CIMIP2A: variants seen among roughly 807,000 people sequenced by gnomAD.
The protein encoded by CIMIP2A is family with sequence similarity 166 member A.
At chr9:137,244,059 T>A in the CIMIP2A span, 1 of 1,165,516 alleles carries the variant, frequency 8.6e-7, no homozygotes. Flanking sequence ...GGTGGGACCC[T>A]GGTAATGGTC....
At chr9:137,244,250 C>G in the CIMIP2A span, 589 of 1,613,864 alleles carry the variant, frequency 3.6e-4, 4 homozygotes, top group East Asian at 0.012. Flanking sequence ...TTCCAGGCAG[C>G]TTCTCGCCCA....
the CIMIP2A span, chr9:137,244,151 A>G: frequency 1.2e-6 from 2 of 1,611,912 alleles, no homozygotes; most frequent in Non-Finnish European, 1.7e-6. Context: ...TGTCCATGTG[A>G]CCCTGCCCAC....
At chr9:137,245,539 T>C in the CIMIP2A span, 1 of 1,613,730 alleles carries the variant, frequency 6.2e-7, no homozygotes, top group Non-Finnish European at 8.5e-7. Context: ...AATCTCAAAG[T>C]TCTTAGAGGG....
the CIMIP2A span, among the ~76,000 whole-genome samples, chr9:137,246,667 G>T: frequency 6.6e-6 from 1 of 152,162 alleles, no homozygotes; most frequent in Non-Finnish European, 1.5e-5. Context: ...GGAGGCTGAG[G>T]CAGGAGAATG....
chr9:137,243,963 C>T, the CIMIP2A span, among the ~76,000 whole-genome samples: 49 of 152,168 alleles, frequency 3.2e-4, no homozygotes, highest in South Asian at 4.1e-4. Context: ...CCTTGGGGCT[C>T]GGCCTGTGTC....
chr9:137,245,544 A>G, the CIMIP2A span: 2 of 1,613,662 alleles, frequency 1.2e-6, no homozygotes, highest in Non-Finnish European at 1.7e-6. Flanking sequence ...CAAAGTTCTT[A>G]GAGGGCTTCA....
chr9:137,247,676 G>GCTC, the CIMIP2A span: 21 of 1,613,328 alleles, frequency 1.3e-5, no homozygotes, highest in East Asian at 4.7e-4. Context: ...ACATAGTGAG[G>GCTC]CTCCGGCGTG....
chr9:137,253,144 G>A, the CIMIP2A span: 69 of 1,592,050 alleles, frequency 4.3e-5, no homozygotes, highest in Middle Eastern at 3.3e-4. Context: ...CGCCTACCAC[G>A]TGGAGGACTG....
At chr9:137,243,994 T>A in the CIMIP2A span, among the ~76,000 whole-genome samples, 1 of 151,482 alleles carries the variant, frequency 6.6e-6, no homozygotes, top group Non-Finnish European at 1.5e-5. Flanking sequence ...GTGGGTCCAG[T>A]GACCCCCCTT....
At chr9:137,251,255 G>T in the CIMIP2A span, 8 of 1,412,008 alleles carry the variant, frequency 5.7e-6, no homozygotes, top group Admixed American at 1.0e-4. Context: ...GAGCTCCGTG[G>T]TGCCGTTGGG....
chr9:137,253,752 G>A, the CIMIP2A span, among the ~76,000 whole-genome samples: 1,130 of 152,300 alleles, frequency 7.4e-3, 14 homozygotes, highest in African/African-American at 0.026. Flanking sequence ...GCTGCTTGCC[G>A]AGCCAGGGAA....
chr9:137,247,576 G>A, the CIMIP2A span: 876 of 1,301,260 alleles, frequency 6.7e-4, 5 homozygotes, highest in South Asian at 2.8e-3. Flanking sequence ...GCCCCTCACA[G>A]CTGGCCTCCA....
At chr9:137,246,885 G>A in the CIMIP2A span, among the ~76,000 whole-genome samples, 1 of 152,198 alleles carries the variant, frequency 6.6e-6, no homozygotes, top group Non-Finnish European at 1.5e-5. Context: ...TAGCGTGTGT[G>A]TATGTAGGTG....
At chr9:137,243,686 C>T in the CIMIP2A span, 1 of 1,614,128 alleles carries the variant, frequency 6.2e-7, no homozygotes, top group Non-Finnish European at 8.5e-7. Context: ...ACAGACACCA[C>T]CATTAAAGCA....
At chr9:137,249,104 C>T in the CIMIP2A span, among the ~76,000 whole-genome samples, 1 of 151,990 alleles carries the variant, frequency 6.6e-6, no homozygotes, top group African/African-American at 2.4e-5. Flanking sequence ...GATCCGCCCA[C>T]CTCGGCCTCC....
At chr9:137,252,318 T>C in the CIMIP2A span, 18 of 1,318,516 alleles carry the variant, frequency 1.4e-5, no homozygotes, top group Non-Finnish European at 1.9e-5. Context: ...GGGGCATGGG[T>C]GGACATTGTG....
chr9:137,251,459 A>G, the CIMIP2A span: 2 of 1,251,088 alleles, frequency 1.6e-6, no homozygotes, highest in East Asian at 2.4e-5. Flanking sequence ...GCTGAGGGAC[A>G]GTGTGGGGGG....
the CIMIP2A span, among the ~76,000 whole-genome samples, chr9:137,248,925 G>A: frequency 0.94 from 143,535 of 152,172 alleles, 67,829 homozygotes; most frequent in East Asian, 1. Context: ...AAAGTTTGCA[G>A]TAAGTGCTAT....
chr9:137,246,462 C>T, the CIMIP2A span, among the ~76,000 whole-genome samples: 9 of 152,206 alleles, frequency 5.9e-5, no homozygotes, highest in South Asian at 2.1e-4. Flanking sequence ...GAACTACCTT[C>T]GTCTTAAAAA....
Sources: allele counts gnomAD v4.1 joint callset (sites outside exome capture counted in the v4.1 genomes callset), GRCh38; gene constraint gnomAD v4.1.1; transcripts MANE v1.5; gene names NCBI Gene and HGNC (gene_info 2026-07-23, HGNC 2026-07-21).